Variants in TNNT1 observed in about 807,000 individuals in gnomAD.
The protein encoded by TNNT1 is troponin T, slow skeletal muscle.
In TNNT1, 53 loss-of-function variants were observed where a neutral mutation model predicts 50.6. The ratio of observed to expected loss-of-function variants is 1.05; its 90% CI spans 0.84 to 1.32. TNNT1 has a LOEUF of 1.32. Among genes scored for constraint, TNNT1 ranks in the 40% most tolerant of loss-of-function variants. The pLI, the probability that TNNT1 is intolerant of heterozygous loss-of-function variation, is 0.00. For synonymous variants in TNNT1, 142 were observed against 138.0 expected, an observed-to-expected ratio of 1.03 and a Z score of -0.20; for missense variants, 348 against 381.7, an observed-to-expected ratio of 0.91 and a Z score of 0.74.
At position 55,137,231 on chromosome 19, in the gene TNNT1, G is replaced by T. The variant is rs1226875048; in HGVS notation, c.502-19C>A. Reference sequence around the variant, plus strand: ...GTTCTGCCTGAGGGTGGGGGAGGCGGAACAGTAAACTGGGGGCCACATCCC... The same window carrying T: ...GTTCTGCCTGAGGGTGGGGGAGGCGTAACAGTAAACTGGGGGCCACATCCC... On this transcript the variant is annotated intron_variant, in intron 10 of 13. Coordinates refer to ENST00000588981, the MANE Select transcript of TNNT1 (RefSeq NM_003283.6). The T allele has an allele frequency of 1.9e-6, 3 of 1,582,840 alleles. No individual in the cohort carries two copies. The highest frequency in any genetic ancestry group is 1.7e-6 in the Non-Finnish European group (2 of 1,152,472).
chr19:55,146,698 G>C lies in TNNT1; in HGVS notation c.56C>G (p.Ala19Gly). The C allele has an allele frequency of 7.0e-7, 1 of 1,422,708 alleles. No homozygotes were observed. Among genetic ancestry groups the C allele is most frequent in the Non-Finnish European group, 9.3e-7 (1 of 1,076,730 alleles). The allele number at this position is 1,422,708 out of a possible 1,614,324, so 88.1% of individuals were successfully genotyped here. A position where few individuals can be genotyped will look rare whatever the true frequency, so the allele number is the denominator to read the frequency against. Residue 19 changes from alanine to glycine, a missense_variant, in exon 4 of 14, where the codon GCG becomes GGG. By Grantham distance (60) the Ala-to-Gly change is moderately conservative. Transcript: ENST00000588981. ...YEEEQPEEEA[A>G]EEEEEAPEEP... ...GACCTCACCTTCCTCCTCCTCCTCC[G>C]CAGCCTCCTCTGGAGATGGGGGCAC... is the stretch of plus-strand genomic sequence containing the variant.
intron 13 of TNNT1, 105 bp from the exon 14 acceptor site, chr19:55,133,065 C>G: frequency 9.5e-7 from 1 of 1,057,256 alleles, no homozygotes; most frequent in Non-Finnish European, 1.4e-6. Context: ...TATTAGCCCT[C>G]CCTGCCCAGA....
At position 55,136,998 on chromosome 19, in the gene TNNT1, G is replaced by A. The variant is rs2085355994; in HGVS notation, c.611+105C>T. 1.1e-5 allele frequency: 8 copies of A among 719,650 alleles called. No homozygotes were observed. In the South Asian group the frequency reaches 1.2e-4, roughly 11 times the overall value. 44.6% of individuals were successfully genotyped at this position (719,650 alleles called of 1,614,324 possible). ...ACTTGCCCAAAGTCACATAGCACTG[G>A]AGCTGAGACCCGGAGTATCTGCCCA... On this transcript the variant is annotated intron_variant, in intron 11 of 13. Coordinates refer to ENST00000588981, the MANE Select transcript of TNNT1 (RefSeq NM_003283.6).
At chr19:55,145,401 G>GGGAGGAGGA (rs549817331) in intron 6 of TNNT1, 143 bp downstream of exon 6, 1 of 719,816 alleles carries the variant, frequency 1.4e-6, no homozygotes, top group African/African-American at 1.8e-5. Flanking sequence ...GAAAGGGGGA[G>GGGAGGAGGA]GGAGGAGGAG....
chr19:55,141,297 G>A lies in TNNT1; in HGVS notation c.198C>T (p.Ile66=). The A allele has an allele frequency of 6.2e-7, 1 of 1,613,906 alleles. No homozygotes were observed. The highest frequency in any genetic ancestry group is 8.5e-7 in the Non-Finnish European group (1 of 1,179,766). Residue 66 remains isoleucine, a synonymous_variant, in exon 8 of 14, where the codon ATC becomes ATT. Coordinates refer to ENST00000588981, the MANE Select transcript of TNNT1 (RefSeq NM_003283.6). ...PEGERVDFDD[I]HRKRMEKDLL... ...GGTCTTTCTCCATGCGCTTGCGGTGGATGTCCTGCAGGACACACGGGCAGC... is the reference window on the plus strand; with the variant it reads ...GGTCTTTCTCCATGCGCTTGCGGTGAATGTCCTGCAGGACACACGGGCAGC...
At chr19:55,134,744 G>C (rs113950867) in intron 11 of TNNT1, among the ~76,000 whole-genome samples, 1 of 6,664 alleles carries the variant, frequency 1.5e-4, no homozygotes, top group African/African-American at 6.5e-4. Flanking sequence ...AGAGGGGAGG[G>C]GAGAGGAGAA....
At chr19:55,149,125 T>G in intron 1 of TNNT1, 36 bp downstream of exon 1, 1 of 455,910 alleles carries the variant, frequency 2.2e-6, no homozygotes, top group Non-Finnish European at 4.4e-6. Context: ...AAGGACATGG[T>G]TTTTGAAGAC....
At chr19:55,137,884 C>T (rs1283490164) in intron 10 of TNNT1, 77 bp downstream of exon 10, 34 of 1,560,324 alleles carry the variant, frequency 2.2e-5, no homozygotes, top group African/African-American at 1.4e-4. Context: ...GCCCCTCCTC[C>T]GTTAGGAACC....
At chr19:55,140,479 G>A (rs144182811) in intron 9 of TNNT1, among the ~76,000 whole-genome samples, 3 of 148,308 alleles carry the variant, frequency 2.0e-5, no homozygotes, top group East Asian at 2.0e-4. Context: ...CCAAATAAAC[G>A]AATAAAAAAT....
chr19:55,133,347 GAGGA>G (rs990197432), intron 13 of TNNT1, among the ~76,000 whole-genome samples: 16 of 151,908 alleles, frequency 1.1e-4, no homozygotes, highest in African/African-American at 3.4e-4. Flanking sequence ...GGAGAGGAGG[GAGGA>G]AGGAAGAGGG....
At chr19:55,140,553 C>T (rs976667962) in intron 9 of TNNT1, 6 of 160,606 alleles carry the variant, frequency 3.7e-5, no homozygotes, top group Non-Finnish European at 2.7e-5. Flanking sequence ...CTGAGGTGGG[C>T]GGATCATGTG....
At chr19:55,135,013 C>G (rs2085323626) in intron 11 of TNNT1, among the ~76,000 whole-genome samples, 1 of 151,978 alleles carries the variant, frequency 6.6e-6, no homozygotes, top group East Asian at 1.9e-4. Flanking sequence ...GGAAATAAAA[C>G]TGTGGAAGAG....
rs1321025328 is a variant in TNNT1 at position 55,146,594 on chromosome 19, G to A, written c.73+87C>T. The A allele has an allele frequency of 4.9e-6, 6 of 1,234,194 alleles. No homozygotes were observed. In the East Asian group the frequency reaches 1.4e-4, roughly 28 times the overall value. 76.5% of individuals were successfully genotyped at this position (1,234,194 alleles called of 1,614,324 possible). ...AGAGGACCGGGAGCCGAGGCCGTCG[G>A]GAGCCCCATCCCGCCCCCTCCTCCC... On this transcript the variant is annotated intron_variant, in intron 4 of 13. Transcript: ENST00000588981.
chr19:55,143,639 G>GAA lies in TNNT1; in HGVS notation c.129-1721_129-1720dup, dbSNP rs376333179. Among the ~76,000 whole-genome samples, 556 of 152,216 alleles carry GAA rather than the reference G, an allele frequency of 3.7e-3. 1 individual carries two copies. Among genetic ancestry groups the GAA allele is most frequent in the Non-Finnish European group, 5.2e-3 (356 of 68,012 alleles). ...AAATATGGCTTACCATATTGTACAG[G>GAA]AATGAATACCGGCTTGCCTCCCACC... On this transcript the variant is annotated intron_variant, in intron 6 of 13. Transcript: ENST00000588981.
intron 1 of TNNT1, chr19:55,147,413 T>G (rs1370823286): frequency 1.4e-5 from 1 of 73,104 alleles, no homozygotes; most frequent in Non-Finnish European, 2.4e-5. Flanking sequence ...GAGGAGGGGC[T>G]GGGGTCTGGA....
At position 55,143,456 on chromosome 19, in the gene TNNT1, T is replaced by C. The variant is rs78942911; in HGVS notation, c.129-1536A>G. ...GAGACAGTGAAGAGCGATTCCAAGA[T>C]GAAGCAGACAGGACTTAGGGGATGC... On this transcript the variant is annotated intron_variant, in intron 6 of 13. Coordinates refer to ENST00000588981, the MANE Select transcript of TNNT1 (RefSeq NM_003283.6). Among the ~76,000 whole-genome samples the C allele has an allele frequency of 4.2e-3, 641 of 152,194 alleles. 5 individuals carry two copies. The highest frequency in any genetic ancestry group is 0.013 in the African/African-American group (522 of 41,514).
At chr19:55,138,137 G>C (rs2147247861) in intron 9 of TNNT1, 63 bp from the exon 10 acceptor site, 1 of 1,612,596 alleles carries the variant, frequency 6.2e-7, no homozygotes, top group Non-Finnish European at 8.5e-7. Flanking sequence ...GAGGGCCCTG[G>C]GATGTGGAAC....
intron 6 of TNNT1, 166 bp downstream of exon 6, chr19:55,145,378 A>C (rs1179238978): frequency 7.8e-6 from 5 of 641,870 alleles, no homozygotes; most frequent in African/African-American, 2.2e-5. Flanking sequence ...GAGGAGGGAG[A>C]GGAGGGAGGA....
intron 11 of TNNT1, among the ~76,000 whole-genome samples, chr19:55,136,263 T>A (rs1206429633): frequency 6.6e-6 from 1 of 152,088 alleles, no homozygotes; most frequent in East Asian, 1.9e-4. Context: ...GTAATTATTA[T>A]TTTTTTAAGG....
Sources: gnomAD v4.1 joint callset for allele counts (sites outside exome capture counted in the v4.1 genomes callset) on GRCh38, gnomAD v4.1.1 for gene constraint, MANE v1.5 for transcripts, NCBI Gene and HGNC (gene_info 2026-07-23, HGNC 2026-07-21) for gene names.